SMAD9: variants seen among roughly 807,000 people sequenced by gnomAD.
SMAD9 encodes SMAD family member 9.
In SMAD9, 36 loss-of-function variants were observed where a neutral mutation model predicts 46.1. The ratio of observed to expected loss-of-function variants is 0.78; its 90% CI spans 0.60 to 1.03. SMAD9 has a LOEUF of 1.03. Among genes scored for constraint, SMAD9 ranks in the 50% least tolerant of loss-of-function variants. SMAD9 has a pLI of 0.00. For missense variants in SMAD9, 572 were observed against 599.8 expected (o/e 0.95, Z 0.48); for synonymous variants, 245 against 237.1 (o/e 1.03, Z -0.31).
chr13:36,918,718 C>A (rs1291923174), intron 1 of SMAD9, among the ~76,000 whole-genome samples: 1 of 152,188 alleles, frequency 6.6e-6, no homozygotes, highest in African/African-American at 2.4e-5. Context: ...TTGAGAATGT[C>A]TTTGGCTTTT....
intron 1 of SMAD9, among the ~76,000 whole-genome samples, chr13:36,887,917 G>A (rs1321553804): frequency 6.6e-6 from 1 of 152,110 alleles, no homozygotes; most frequent in Non-Finnish European, 1.5e-5. Context: ...ACAGATTTGA[G>A]GAGCAAGGAA....
rs1317256327 is a variant in SMAD9, at chr13:36,845,640, A to C, written c.*3036T>G. 1 of 151,816 alleles carries C rather than the reference A, an allele frequency of 6.6e-6. No individual in the cohort carries two copies. Among genetic ancestry groups the C allele is most frequent in the East Asian group, 1.9e-4 (1 of 5,190 alleles). 9.4% of individuals were successfully genotyped at this position (151,816 alleles called of 1,614,324 possible). A position where few individuals can be genotyped will look rare whatever the true frequency, so the allele number is the denominator to read the frequency against. On this transcript the variant is annotated 3_prime_UTR_variant, in exon 7 of 7. Transcript: ENST00000379826. ...AAGAATGCTATTCAGTTTTTTTTTT[A>C]ATGTCTACATCAAGGAATGAATGCT...
intron 5 of SMAD9, 134 bp from the exon 6 acceptor site, chr13:36,853,809 G>T (rs745370084): frequency 2.1e-5 from 18 of 870,136 alleles, no homozygotes; most frequent in Non-Finnish European, 3.2e-5. Context: ...TGAGATGTGT[G>T]ACCTAAATGC....
intron 5 of SMAD9, among the ~76,000 whole-genome samples, chr13:36,855,654 G>C (rs772228148): frequency 6.6e-6 from 1 of 152,172 alleles, no homozygotes; most frequent in Non-Finnish European, 1.5e-5. Flanking sequence ...GCATGACTCT[G>C]AATCTAGGAA....
intron 1 of SMAD9, among the ~76,000 whole-genome samples, chr13:36,900,973 TTC>T (rs1239413305): frequency 1.9e-4 from 29 of 152,290 alleles, no homozygotes; most frequent in Non-Finnish European, 1.0e-4. Flanking sequence ...CCAATCTGCA[TTC>T]TGTCTTTATA....
At position 36,845,352 on chromosome 13, in the gene SMAD9, TTAAG is replaced by T. The variant is rs2058032312; in HGVS notation, c.*3320_*3323del. 6.6e-6 allele frequency: 1 copy of T among 152,204 alleles called. No homozygotes were observed. Among genetic ancestry groups the T allele is most frequent in the East Asian group, 1.9e-4 (1 of 5,200 alleles). 9.4% of individuals were successfully genotyped at this position (152,204 alleles called of 1,614,324 possible). On this transcript the variant is annotated 3_prime_UTR_variant, in exon 7 of 7. Coordinates refer to ENST00000379826, the MANE Select transcript of SMAD9 (RefSeq NM_001127217.3). ...CAAAACAAAACATAAGGTATATGTG[TTAAG>T]TAGTGACATCTTTATAGTTCCAAAG... is the stretch of plus-strand genomic sequence containing the variant.
chr13:36,881,126 A>G (rs991525205), intron 1 of SMAD9, among the ~76,000 whole-genome samples: 3 of 152,218 alleles, frequency 2.0e-5, no homozygotes, highest in Admixed American at 6.5e-5. Flanking sequence ...CCTGTCATCC[A>G]CAGGAGATGT....
At chr13:36,905,619 C>A (rs1463145523) in intron 1 of SMAD9, among the ~76,000 whole-genome samples, 2 of 151,220 alleles carry the variant, frequency 1.3e-5, no homozygotes, top group Non-Finnish European at 3.0e-5. Flanking sequence ...AACAAAAAAA[C>A]AAAAATTAGC....
In SMAD9 at chr13:36,848,669, A is replaced by G. The variant is rs758938512; in HGVS notation, c.*7T>C. 2 of 1,614,088 alleles carry G rather than the reference A, an allele frequency of 1.2e-6. No individual in the cohort carries two copies. Among genetic ancestry groups the G allele is most frequent in the Admixed American group, 3.3e-5 (2 of 60,030 alleles). Reference sequence around the variant, plus strand: ...ATCCTATGGAAATGCAGCTTAAGACATGACTGTTAAGACACTGAAGAAATG... The same window carrying G: ...ATCCTATGGAAATGCAGCTTAAGACGTGACTGTTAAGACACTGAAGAAATG... On this transcript the variant is annotated 3_prime_UTR_variant, in exon 7 of 7. Transcript: ENST00000379826.
intron 1 of SMAD9, among the ~76,000 whole-genome samples, chr13:36,880,785 A>T (rs2058396079): frequency 6.6e-6 from 1 of 152,252 alleles, no homozygotes; most frequent in Non-Finnish European, 1.5e-5. Flanking sequence ...GCAGTAATAT[A>T]AAACAATAAT....
chr13:36,917,828 A>G (rs1566045934), intron 1 of SMAD9, among the ~76,000 whole-genome samples: 1 of 152,172 alleles, frequency 6.6e-6, no homozygotes, highest in Non-Finnish European at 1.5e-5. Flanking sequence ...CACTTACGAA[A>G]CACCATCCCT....
At position 36,858,120 on chromosome 13, in the gene SMAD9, G is replaced by A. The variant is rs115694687; in HGVS notation, c.1004-4445C>T. 4.2e-3 allele frequency among the ~76,000 whole-genome samples: 642 copies of A among 152,240 alleles called. 5 individuals carry two copies. The highest frequency in any genetic ancestry group is 0.015 in the African/African-American group (603 of 41,554). On this transcript the variant is annotated intron_variant, in intron 5 of 6. Transcript: ENST00000379826. Reference sequence around the variant, plus strand: ...CAGAATGTGAATCTTTATTGAAGCCGGAGATACTAAGATGAAGACTCATTA... The same window carrying A: ...CAGAATGTGAATCTTTATTGAAGCCAGAGATACTAAGATGAAGACTCATTA...
intron 1 of SMAD9, among the ~76,000 whole-genome samples, chr13:36,909,881 G>GA (rs1303639542): frequency 5.3e-5 from 8 of 152,110 alleles, no homozygotes; most frequent in Non-Finnish European, 1.0e-4. Context: ...CTTCACTGTG[G>GA]GAGTTAAGAG....
chr13:36,867,269 T>C lies in SMAD9; in HGVS notation c.781+4A>G. ...CTACATTTCACTGTTCATCTGCAAT[T>C]TACCTCCATTTGGTATCGATAGCAC... is the stretch of plus-strand genomic sequence containing the variant. On this transcript the variant is annotated splice_donor_region_variant and intron_variant, in intron 4 of 6. Coordinates refer to ENST00000379826, the MANE Select transcript of SMAD9 (RefSeq NM_001127217.3). 6.6e-7 allele frequency: 1 copy of C among 1,520,558 alleles called. No homozygotes were observed. Among genetic ancestry groups the C allele is most frequent in the Non-Finnish European group, 8.9e-7 (1 of 1,118,626 alleles). 94.2% of individuals were successfully genotyped at this position (1,520,558 alleles called of 1,614,324 possible).
intron 5 of SMAD9, among the ~76,000 whole-genome samples, chr13:36,860,486 G>C (rs2058170580): frequency 7.2e-6 from 1 of 138,258 alleles, no homozygotes; most frequent in Non-Finnish European, 1.5e-5. Flanking sequence ...GTCTCGCTCT[G>C]TCGCCCAGGC....
At chr13:36,893,283 T>C (rs2058502464) in intron 1 of SMAD9, among the ~76,000 whole-genome samples, 1 of 151,820 alleles carries the variant, frequency 6.6e-6, no homozygotes, top group South Asian at 2.1e-4. Flanking sequence ...AAATTCTACT[T>C]CTTGAAGTTT....
chr13:36,863,469 C>T (rs1326810528), intron 5 of SMAD9, among the ~76,000 whole-genome samples: 2 of 152,134 alleles, frequency 1.3e-5, no homozygotes, highest in Non-Finnish European at 2.9e-5. Flanking sequence ...GCTTCTTAAC[C>T]CTAAAGACGA....
Position 36,867,311 on chromosome 13 carries a change from G to T in SMAD9, c.743C>A (p.Thr248Lys), listed in dbSNP as rs79733377. ...CGATAGCACTACATGTCTATCAGCTGTGGCATCTACAGGTTGGCCACTCTG... is the reference window on the plus strand; with the variant it reads ...CGATAGCACTACATGTCTATCAGCTTTGGCATCTACAGGTTGGCCACTCTG... ...ETQSGQPVDA[T>K]ADRHVVLSIP... The change falls in exon 4 of 7, where the codon ACA becomes AAA. Residue 248 changes from threonine (T) to lysine (K), a missense_variant. Coordinates refer to ENST00000379826, the MANE Select transcript of SMAD9 (RefSeq NM_001127217.3). The T allele has an allele frequency of 3.2e-3, 4,888 of 1,551,172 alleles. 225 individuals carry two copies. The Admixed American group carries it at 0.08, about 25-fold the overall frequency.
rs557141612 is a variant in SMAD9 at position 36,915,910 on chromosome 13, T to C, written c.-187+4206A>G. On this transcript the variant is annotated intron_variant, in intron 1 of 6. Coordinates refer to ENST00000379826, the MANE Select transcript of SMAD9 (RefSeq NM_001127217.3). ...TAAAACGGTACAACTGAATATATTA[T>C]ATGGGCATGACATTTATAAGCAAAT... Among the ~76,000 whole-genome samples the C allele has an allele frequency of 5.1e-4, 78 of 152,352 alleles. 1 individual carries two copies. The highest frequency in any genetic ancestry group is 1.7e-3 in the African/African-American group (70 of 41,592).
Sources: gnomAD v4.1 joint callset for allele counts (sites outside exome capture counted in the v4.1 genomes callset) on GRCh38, gnomAD v4.1.1 for gene constraint, MANE v1.5 for transcripts, NCBI Gene and HGNC (gene_info 2026-07-23, HGNC 2026-07-21) for gene names.